SCFD1: variants seen among roughly 807,000 people sequenced by gnomAD.
SCFD1 encodes the protein sec1 family domain containing 1.
Under a neutral mutation model 103.2 loss-of-function variants are expected in SCFD1, and 37 were observed. The ratio of observed to expected loss-of-function variants is 0.36; its 90% CI spans 0.28 to 0.47. The LOEUF (loss-of-function observed/expected upper bound fraction) is 0.47. SCFD1 is among the 20% of genes least tolerant of loss of function. The probability of loss-of-function intolerance (pLI) is 1.00; values close to 1 mark genes in which losing one functional copy is unlikely to be tolerated. For synonymous variants in SCFD1, 264 were observed against 245.0 expected (o/e 1.08, Z -0.73); for missense variants, 639 against 761.2 (o/e 0.84, Z 1.89).
At chr14:30,719,298 A>G (rs1387347091) in intron 20 of SCFD1, 27 bp from the exon 21 acceptor site, 1 of 1,469,578 alleles carries the variant, frequency 6.8e-7, no homozygotes. Context: ...TTCCACAGTC[A>G]TGGTAAAGTT....
chr14:30,662,066 A>G (rs1338394511), intron 10 of SCFD1, among the ~76,000 whole-genome samples: 3 of 152,176 alleles, frequency 2.0e-5, no homozygotes, highest in Admixed American at 6.5e-5. Context: ...AATCTTAAGT[A>G]TGAAAGAAAT....
intron 14 of SCFD1, among the ~76,000 whole-genome samples, chr14:30,691,829 G>A (rs1403892967): frequency 1.3e-5 from 2 of 152,024 alleles, no homozygotes. Context: ...ATCAAAAAGA[G>A]CAAAATGAAC....
chr14:30,703,910 C>CATATATATATATAT (rs71443380), intron 17 of SCFD1, among the ~76,000 whole-genome samples: 7 of 39,542 alleles, frequency 1.8e-4, no homozygotes, highest in Non-Finnish European at 3.2e-4. Context: ...GGAATATTTG[C>CATATATATATATAT]ATATATATAT....
intron 3 of SCFD1, among the ~76,000 whole-genome samples, chr14:30,631,799 A>G (rs958252034): frequency 5.3e-5 from 8 of 152,140 alleles, no homozygotes; most frequent in Non-Finnish European, 7.4e-5. Flanking sequence ...TAATCCTAGC[A>G]CTTCTGGAGG....
rs988476987 is a variant in SCFD1, at chr14:30,622,358, C to T, written c.20C>T (p.Ala7Val). 6.4e-7 allele frequency: 1 copy of T among 1,566,530 alleles called. No individual in the cohort carries two copies. The highest frequency in any genetic ancestry group is 8.7e-7 in the Non-Finnish European group (1 of 1,156,040). ...GCCAAGATGGCGGCGGCGGCGGCAG[C>T]GACAGCAGCAGCAGCAGCCAGTATT... MAAAAA[A>V]TAAAAASIRE... The change falls in exon 1 of 25, where the codon GCG becomes GTG. Residue 7 changes from alanine to valine, a missense_variant. By Grantham distance (64) the Ala-to-Val change is moderately conservative (BLOSUM62 0). Transcript: ENST00000458591.
intron 14 of SCFD1, among the ~76,000 whole-genome samples, chr14:30,678,942 T>C (rs1443952148): frequency 6.6e-6 from 1 of 152,246 alleles, no homozygotes; most frequent in Non-Finnish European, 1.5e-5. Flanking sequence ...ATGATGTCTG[T>C]ACTCTAAAGA....
At chr14:30,710,332 T>TAAAAAAAAAAAAAAAAAAAA (rs397853428) in intron 19 of SCFD1, among the ~76,000 whole-genome samples, 1 of 82,046 alleles carries the variant, frequency 1.2e-5, no homozygotes, top group African/African-American at 5.4e-5. Flanking sequence ...GCCATGTCAT[T>TAAAAAAAAAAAAAAAAAAAA]AAAAAAAAAA....
intron 13 of SCFD1, 68 bp from the exon 14 acceptor site, chr14:30,674,916 G>A (rs1594673311): frequency 1.2e-6 from 1 of 833,730 alleles, no homozygotes; most frequent in East Asian, 2.7e-5. Flanking sequence ...GAAACACCAG[G>A]CATGAGATAA....
intron 1 of SCFD1, among the ~76,000 whole-genome samples, chr14:30,627,296 T>C (rs569941978): frequency 6.6e-6 from 1 of 152,364 alleles, no homozygotes; most frequent in South Asian, 2.1e-4. Flanking sequence ...TGGGAAAGTC[T>C]GTTTTCCCAA....
chr14:30,727,548 A>C (rs1468695347), intron 23 of SCFD1, among the ~76,000 whole-genome samples: 1 of 152,198 alleles, frequency 6.6e-6, no homozygotes, highest in African/African-American at 2.4e-5. Context: ...TAAAGGAGAC[A>C]ATTTCATCAG....
chr14:30,640,794 A>G (rs1328504479), intron 6 of SCFD1, among the ~76,000 whole-genome samples: 1 of 152,142 alleles, frequency 6.6e-6, no homozygotes, highest in Non-Finnish European at 1.5e-5. Context: ...TAAATTTGTA[A>G]TGAGTGTAAA....
In SCFD1 at chr14:30,632,051, A is replaced by G. The variant is rs909039232; in HGVS notation, c.221+1486A>G. Among the ~76,000 whole-genome samples the G allele has an allele frequency of 2.4e-3, 203 of 84,422 alleles. 6 individuals are homozygous for G. In the East Asian group the frequency reaches 0.12, roughly 52 times the overall value. 55.4% of individuals were successfully genotyped at this position (84,422 alleles called of 152,430 possible). ...CAGCAGAGCAAGATTCTGTTGAAAA[A>G]AAAAAAAAAAAAAAAAAAAAGAACG... On this transcript the variant is annotated intron_variant, in intron 3 of 24. Transcript: ENST00000458591.
chr14:30,638,304 T>A, intron 5 of SCFD1, 57 bp downstream of exon 5: 1 of 1,608,404 alleles, frequency 6.2e-7, no homozygotes, highest in African/African-American at 1.3e-5. Context: ...AACACTGTTC[T>A]GAAACCCGTA....
At chr14:30,637,691 A>G (rs1320568713) in intron 4 of SCFD1, among the ~76,000 whole-genome samples, 1 of 152,188 alleles carries the variant, frequency 6.6e-6, no homozygotes, top group Non-Finnish European at 1.5e-5. Context: ...AGTTGAAAAG[A>G]AATACCTCTA....
chr14:30,673,468 T>C (rs1888736622), intron 12 of SCFD1, 121 bp downstream of exon 12: 1 of 501,322 alleles, frequency 2.0e-6, no homozygotes, highest in South Asian at 4.0e-5. Context: ...ATAACAAAAA[T>C]ATTTTCAACT....
At chr14:30,672,465 A>G (rs1888642776) in intron 11 of SCFD1, among the ~76,000 whole-genome samples, 1 of 152,148 alleles carries the variant, frequency 6.6e-6, no homozygotes, top group Admixed American at 6.6e-5. Flanking sequence ...GAAGGGGGGA[A>G]AGGTTTTTGT....
At chr14:30,630,896 A>G (rs1406268940) in intron 3 of SCFD1, 3 of 237,894 alleles carry the variant, frequency 1.3e-5, no homozygotes, top group Admixed American at 5.4e-5. Flanking sequence ...CAATGGGGTT[A>G]CATACTTATA....
intron 1 of SCFD1, among the ~76,000 whole-genome samples, chr14:30,623,941 G>C (rs1421410770): frequency 1.3e-5 from 2 of 152,070 alleles, no homozygotes; most frequent in African/African-American, 4.8e-5. Flanking sequence ...CTAGATACTA[G>C]AATATTTGGG....
chr14:30,695,183 C>T (rs1365024592), intron 15 of SCFD1, among the ~76,000 whole-genome samples: 2 of 152,152 alleles, frequency 1.3e-5, no homozygotes, highest in African/African-American at 4.8e-5. Flanking sequence ...ACATTCAAAG[C>T]AAGTGTCTCT....
Sources: gnomAD v4.1 joint callset for allele counts (sites outside exome capture counted in the v4.1 genomes callset) on GRCh38, gnomAD v4.1.1 for gene constraint, MANE v1.5 for transcripts, NCBI Gene and HGNC (gene_info 2026-07-23, HGNC 2026-07-21) for gene names.